The following RORB variants were observed in gnomAD, a reference collection of about 807,000 sequenced individuals.
RORB encodes RAR related orphan receptor B.
Under a neutral mutation model 59.1 loss-of-function variants are expected in RORB, and 6 were observed. That is an observed-to-expected ratio of 0.10 (90% CI 0.06 to 0.20). The LOEUF is 0.20. Among genes scored for constraint, RORB ranks in the 10% least tolerant of loss-of-function variants. The pLI is 1.00. For synonymous variants in RORB, 215 were observed against 204.5 expected (o/e 1.05, Z -0.44); for missense variants, 320 against 560.5 (o/e 0.57, Z 4.33).
intron 4 of RORB, among the ~76,000 whole-genome samples, chr9:74,649,313 C>T (rs1478811749): frequency 6.6e-6 from 1 of 152,100 alleles, no homozygotes; most frequent in Non-Finnish European, 1.5e-5. Flanking sequence ...TGGAGAGGGT[C>T]TTACTTGACT....
rs975708949 is a variant in RORB at position 74,642,614 on chromosome 9, G to A, written c.436G>A (p.Val146Ile). 1.4e-5 allele frequency: 23 copies of A among 1,614,070 alleles called. No homozygotes were observed. The highest frequency in any genetic ancestry group is 5.3e-5 in the African/African-American group (4 of 74,932). Residue 146 changes from valine to isoleucine, a missense_variant, in exon 4 of 10, where the codon GTC (valine) becomes ATC (isoleucine). Val to Ile is a conservative substitution (Grantham distance 29). This residue lies in a region of RORB where 134 missense variants were observed against 156.2 expected (regional missense o/e 0.86). Transcript: ENST00000376896. The stretch of plus-strand genomic sequence containing the variant: ...CAGCGGCACTTATGCCAACGGGCAC[G>A]TCATTGACCTGCCCAAGTCTGAGGG... Reference protein sequence around the residue: ...ETSGTYANGHVIDLPKSEGYY... With the variant: ...ETSGTYANGHIIDLPKSEGYY...
chr9:74,574,249 A>C (rs578215932), intron 1 of RORB, among the ~76,000 whole-genome samples: 1 of 152,134 alleles, frequency 6.6e-6, no homozygotes, highest in African/African-American at 2.4e-5. Flanking sequence ...GCCCTGAGTC[A>C]GTTTCAGGGG....
intron 4 of RORB, among the ~76,000 whole-genome samples, chr9:74,657,489 A>T (rs985554919): frequency 2.0e-5 from 3 of 152,160 alleles, no homozygotes; most frequent in African/African-American, 4.8e-5. Flanking sequence ...CTAGCTTTCT[A>T]TCTGTGCCTT....
At chr9:74,529,585 T>C (rs1826205437) in intron 1 of RORB, among the ~76,000 whole-genome samples, 1 of 151,656 alleles carries the variant, frequency 6.6e-6, no homozygotes, top group Non-Finnish European at 1.5e-5. Context: ...TATTAATAAA[T>C]AGTAAATTTA....
At chr9:74,507,044 CA>C (rs1825879715) in intron 1 of RORB, among the ~76,000 whole-genome samples, 1 of 152,056 alleles carries the variant, frequency 6.6e-6, no homozygotes, top group Non-Finnish European at 1.5e-5. Flanking sequence ...TTTAATAAGA[CA>C]ACCAGTTTTC....
At chr9:74,611,831 G>A (rs1823236377) in intron 1 of RORB, among the ~76,000 whole-genome samples, 2 of 152,062 alleles carry the variant, frequency 1.3e-5, no homozygotes, top group South Asian at 4.1e-4. Flanking sequence ...TGTATTTTTA[G>A]TAGAGACAAT....
chr9:74,547,885 G>A (rs1356871102), intron 1 of RORB, among the ~76,000 whole-genome samples: 1 of 152,192 alleles, frequency 6.6e-6, no homozygotes, highest in African/African-American at 2.4e-5. Context: ...AATCCTGGCT[G>A]CAGAAAATAG....
intron 1 of RORB, among the ~76,000 whole-genome samples, chr9:74,595,067 G>T (rs1038482080): frequency 6.6e-6 from 1 of 152,278 alleles, no homozygotes; most frequent in African/African-American, 2.4e-5. Context: ...AAAAACTGGG[G>T]ACCCTTCACC....
At chr9:74,586,375 G>C (rs1822799712) in intron 1 of RORB, among the ~76,000 whole-genome samples, 1 of 152,130 alleles carries the variant, frequency 6.6e-6, no homozygotes, top group East Asian at 1.9e-4. Flanking sequence ...GCACATCCCT[G>C]TAGTCCCAAC....
chr9:74,564,336 A>C (rs1295692252), intron 1 of RORB, among the ~76,000 whole-genome samples: 6 of 152,260 alleles, frequency 3.9e-5, no homozygotes, highest in Non-Finnish European at 5.9e-5. Context: ...AAAGCAAATG[A>C]AGCATAAGCA....
At chr9:74,640,424 C>T (rs1563961293) in intron 3 of RORB, among the ~76,000 whole-genome samples, 1 of 138,550 alleles carries the variant, frequency 7.2e-6, no homozygotes, top group African/African-American at 2.5e-5. Flanking sequence ...CCACCATACT[C>T]GGCTAATTCT....
intron 1 of RORB, among the ~76,000 whole-genome samples, chr9:74,517,611 A>G (rs1438350237): frequency 2.0e-5 from 3 of 152,058 alleles, no homozygotes; most frequent in African/African-American, 7.2e-5. Flanking sequence ...ATTTTAATCT[A>G]ATTTTATTTT....
chr9:74,514,844 T>A (rs1825985987), intron 1 of RORB, among the ~76,000 whole-genome samples: 2 of 151,586 alleles, frequency 1.3e-5, no homozygotes, highest in Admixed American at 1.3e-4. Flanking sequence ...TCAATATAAT[T>A]TTGTATATAA....
chr9:74,535,187 T>C (rs1340076309), intron 1 of RORB, among the ~76,000 whole-genome samples: 3 of 152,034 alleles, frequency 2.0e-5, no homozygotes, highest in Admixed American at 6.6e-5. Context: ...TGTGTCTGTG[T>C]GTACAACATT....
chr9:74,579,415 G>A (rs1394600066), intron 1 of RORB, among the ~76,000 whole-genome samples: 8 of 151,730 alleles, frequency 5.3e-5, no homozygotes. Context: ...GCATCTTTGA[G>A]CATTTTAAAC....
At chr9:74,518,037 A>T (rs1328868622) in intron 1 of RORB, among the ~76,000 whole-genome samples, 3 of 151,944 alleles carry the variant, frequency 2.0e-5, no homozygotes, top group Non-Finnish European at 2.9e-5. Flanking sequence ...TGAGATTTTA[A>T]TTCAGATTTT....
chr9:74,684,109 G>C (rs1330871307), intron 9 of RORB, among the ~76,000 whole-genome samples: 1 of 152,164 alleles, frequency 6.6e-6, no homozygotes, highest in Admixed American at 6.5e-5. Flanking sequence ...ACACGTTCTA[G>C]ATCCCTTTAC....
intron 1 of RORB, among the ~76,000 whole-genome samples, chr9:74,525,461 A>G (rs748573511): frequency 6.6e-5 from 10 of 151,978 alleles, no homozygotes; most frequent in African/African-American, 2.2e-4. Context: ...TTACTCTTTC[A>G]TAGAGGAAGC....
chr9:74,608,233 C>T (rs1365717364), intron 1 of RORB, among the ~76,000 whole-genome samples: 2 of 152,048 alleles, frequency 1.3e-5, no homozygotes, highest in Non-Finnish European at 2.9e-5. Flanking sequence ...TGAGTTAGGA[C>T]GTGTTTGCTT....
Sources: allele counts gnomAD v4.1 joint callset (sites outside exome capture counted in the v4.1 genomes callset), GRCh38; gene constraint gnomAD v4.1.1; regional missense constraint gnomAD v4.1.1; transcripts MANE v1.5; gene names NCBI Gene and HGNC (gene_info 2026-07-23, HGNC 2026-07-21).